URM1: variants seen among roughly 807,000 people sequenced by gnomAD.
The protein encoded by URM1 is ubiquitin-related modifier 1.
A neutral mutation model predicts 17.7 loss-of-function variants in URM1; 11 were observed. That is an observed-to-expected ratio of 0.62 (90% CI 0.39 to 1.03). The LOEUF is 1.03. Among genes scored for constraint, URM1 ranks in the 50% least tolerant of loss-of-function variants. URM1 has a pLI of 0.00. For synonymous variants in URM1, 48 were observed against 50.6 expected (o/e 0.95, Z 0.22); for missense variants, 128 against 129.2 (o/e 0.99, Z 0.04).
In URM1 at chr9:128,380,130, A is replaced by C. The variant is rs370146654; in HGVS notation, c.106+2024A>C. Among the ~76,000 whole-genome samples the C allele has an allele frequency of 2.2e-4, 34 of 152,264 alleles. No homozygotes were observed. In the East Asian group the frequency reaches 4.6e-3, roughly 21 times the overall value. ...CTGTCTCAAAAGAAAAAAAAAATAC[A>C]TAAGCAGAATATGTATGGGGAGAAA... On this transcript the variant is annotated intron_variant, in intron 2 of 4. Coordinates refer to ENST00000372853, the MANE Select transcript of URM1 (RefSeq NM_030914.4).
chr9:128,386,646 C>T (rs555439545), intron 2 of URM1, among the ~76,000 whole-genome samples: 1 of 152,362 alleles, frequency 6.6e-6, no homozygotes, highest in South Asian at 2.1e-4. Flanking sequence ...GTGCGTGCCA[C>T]ACTGTGGGCC....
At position 128,389,725 on chromosome 9, in the gene URM1, C is replaced by CG; in HGVS notation, c.299dup (p.Gly101ArgfsTer139). 5 of 1,613,518 alleles carry CG rather than the reference C, an allele frequency of 3.1e-6. No individual in the cohort carries two copies. The highest frequency in any genetic ancestry group is 4.2e-6 in the Non-Finnish European group (5 of 1,180,000). On this transcript the variant is annotated frameshift_variant, in exon 5 of 5. Coordinates refer to ENST00000372853, the MANE Select transcript of URM1 (RefSeq NM_030914.4). LOFTEE classifies it high-confidence loss of function. ...GCGTCCTCTTCATCTCCACTCTGCA[C>CG]GGCGGCTGAGGGCCCTTCTCTGGGC...
intron 1 of URM1, among the ~76,000 whole-genome samples, chr9:128,372,033 A>G (rs1833020251): frequency 6.6e-6 from 1 of 152,224 alleles, no homozygotes; most frequent in Non-Finnish European, 1.5e-5. Context: ...CAGGGACAGT[A>G]TAGTATACAC....
intron 1 of URM1, among the ~76,000 whole-genome samples, chr9:128,377,602 G>A (rs375515127): frequency 9.2e-5 from 14 of 152,260 alleles, no homozygotes; most frequent in East Asian, 3.9e-4. Context: ...CCTGGGAGGC[G>A]GAGGTTGCTG....
chr9:128,388,246 T>C, intron 3 of URM1: 1 of 1,124,732 alleles, frequency 8.9e-7, no homozygotes, highest in Non-Finnish European at 1.1e-6. Context: ...CTAGTACAAC[T>C]GAAGAGCTAA....
chr9:128,383,034 G>C (rs1283462108), intron 2 of URM1, among the ~76,000 whole-genome samples: 3 of 152,052 alleles, frequency 2.0e-5, no homozygotes, highest in South Asian at 2.1e-4. Context: ...TGTGTTAAAG[G>C]GTGGCTGGTG....
intron 1 of URM1, among the ~76,000 whole-genome samples, chr9:128,373,979 T>C (rs1833044766): frequency 6.6e-6 from 1 of 152,100 alleles, no homozygotes; most frequent in Non-Finnish European, 1.5e-5. Context: ...GTGAAGGTGG[T>C]TTTGAGAATA....
At position 128,390,784 on chromosome 9, in the gene URM1, C is replaced by G. The variant is rs1003115895; in HGVS notation, c.*1050C>G. On this transcript the variant is annotated 3_prime_UTR_variant, in exon 5 of 5. Coordinates refer to ENST00000372853, the MANE Select transcript of URM1 (RefSeq NM_030914.4). ...GAAACGGGTGGCACCTCATATCCCC[C>G]CAGCCGTGGTCTGTGATACAACCTC... 2 of 152,548 alleles carry G rather than the reference C, an allele frequency of 1.3e-5. No homozygotes were observed. The highest frequency in any genetic ancestry group is 4.8e-5 in the African/African-American group (2 of 41,450). The allele number at this position is 152,548 out of a possible 1,614,324, so 9.4% of individuals were successfully genotyped here. A position where few individuals can be genotyped will look rare whatever the true frequency, so the allele number is the denominator to read the frequency against.
At chr9:128,386,902 C>T (rs1476002459) in intron 2 of URM1, among the ~76,000 whole-genome samples, 1 of 152,200 alleles carries the variant, frequency 6.6e-6, no homozygotes, top group Non-Finnish European at 1.5e-5. Flanking sequence ...ATCCTCAAGT[C>T]GTCTAAGAGA....
intron 3 of URM1, chr9:128,388,796 G>C: frequency 1.0e-6 from 1 of 989,342 alleles, no homozygotes; most frequent in Non-Finnish European, 1.2e-6. Flanking sequence ...GGATGGGCAT[G>C]CAGAGGCCTA....
At chr9:128,372,872 G>C (rs1833030788) in intron 1 of URM1, among the ~76,000 whole-genome samples, 1 of 150,946 alleles carries the variant, frequency 6.6e-6, no homozygotes, top group African/African-American at 2.4e-5. Context: ...CCAAGAATTC[G>C]AGACCAGCCT....
Position 128,387,126 on chromosome 9 carries a change from G to C in URM1, c.107-690G>C, listed in dbSNP as rs1405425780. 6.6e-6 allele frequency among the ~76,000 whole-genome samples: 1 copy of C among 152,206 alleles called. No homozygotes were observed. ...CTGGTGGCTCCCCCAGAACCACAAG[G>C]AGGCAGATCTCAGTGTTAGCTGAGC... On this transcript the variant is annotated intron_variant, in intron 2 of 4. Transcript: ENST00000372853. The surrounding 1 kb of genome is among the most constrained non-coding windows in gnomAD (Gnocchi z 4.3).
intron 2 of URM1, among the ~76,000 whole-genome samples, chr9:128,382,946 A>G (rs1415633003): frequency 1.3e-5 from 2 of 152,094 alleles, no homozygotes; most frequent in African/African-American, 4.8e-5. Flanking sequence ...CCAGGCCCCA[A>G]GTGTAGACAT....
At chr9:128,381,571 CTGTAA>C (rs1833160264) in intron 2 of URM1, among the ~76,000 whole-genome samples, 3 of 152,162 alleles carry the variant, frequency 2.0e-5, no homozygotes. Context: ...TGGTGGGCAC[CTGTAA>C]TCCCAGGTTG....
In URM1 at chr9:128,387,580, C is replaced by T. The variant is rs949153861; in HGVS notation, c.107-236C>T. 3.3e-5 allele frequency among the ~76,000 whole-genome samples: 5 copies of T among 152,206 alleles called. No individual in the cohort carries two copies. Among genetic ancestry groups the T allele is most frequent in the Non-Finnish European group, 7.3e-5 (5 of 68,046 alleles). ...TAGGTAAATCCCATTGCCTCTTCTC[C>T]AGGACTTCAGCAGTGCCAGGTGCAG... On this transcript the variant is annotated intron_variant, in intron 2 of 4. Coordinates refer to ENST00000372853, the MANE Select transcript of URM1 (RefSeq NM_030914.4). This position sits in a 1 kb window ranked among gnomAD's most constrained non-coding sequence, Gnocchi z 4.3.
Position 128,389,908 on chromosome 9 carries a change from C to G in URM1, c.*174C>G. 1 of 839,564 alleles carries G rather than the reference C, an allele frequency of 1.2e-6. No homozygotes were observed. The highest frequency in any genetic ancestry group is 1.8e-6 in the Non-Finnish European group (1 of 554,396). 52.0% of individuals were successfully genotyped at this position (839,564 alleles called of 1,614,324 possible). ...CCAGGTGCTAAAAATGAGCCTTTCT[C>G]AAGCACGTGAGCAGCGGAAGGCAGA... On this transcript the variant is annotated 3_prime_UTR_variant, in exon 5 of 5. Coordinates refer to ENST00000372853, the MANE Select transcript of URM1 (RefSeq NM_030914.4).
rs1230683600 is a variant in URM1 at position 128,387,024 on chromosome 9, G to C, written c.107-792G>C. 6.6e-6 allele frequency among the ~76,000 whole-genome samples: 1 copy of C among 152,232 alleles called. No homozygotes were observed. The highest frequency in any genetic ancestry group is 2.4e-5 in the African/African-American group (1 of 41,456). On this transcript the variant is annotated intron_variant, in intron 2 of 4. Transcript: ENST00000372853. The surrounding 1 kb of genome is among the most constrained non-coding windows in gnomAD (Gnocchi z 4.3). ...GCCACATTTCTGTGTGCTGTGGCCC[G>C]ATACTGCTGCCCCTAGGAAAGGACA...
At chr9:128,377,882 A>G (rs1833097955) in intron 1 of URM1, 154 bp from the exon 2 acceptor site, 2 of 690,974 alleles carry the variant, frequency 2.9e-6, no homozygotes, top group Non-Finnish European at 5.0e-6. Flanking sequence ...GGGGAGAAAA[A>G]GAATTAGTCA....
At chr9:128,380,707 C>T (rs1018731364) in intron 2 of URM1, among the ~76,000 whole-genome samples, 3 of 150,428 alleles carry the variant, frequency 2.0e-5, no homozygotes, top group Admixed American at 1.3e-4. Context: ...GCAGTCTCAG[C>T]GCGCTGCAAC....
Sources: allele counts gnomAD v4.1 joint callset (sites outside exome capture counted in the v4.1 genomes callset), GRCh38; gene constraint gnomAD v4.1.1; non-coding constraint Gnocchi (gnomAD v3.1); transcripts MANE v1.5; gene names NCBI Gene and HGNC (gene_info 2026-07-23, HGNC 2026-07-21).